RHOD: variants seen among roughly 807,000 people sequenced by gnomAD.
The protein encoded by RHOD is ras homolog family member D.
RHOD carries 11 observed loss-of-function variants against 16.7 expected under a neutral mutation model. The observed-to-expected ratio is 0.66, with a 90% CI of 0.41 to 1.09. The LOEUF is 1.09. RHOD is among the 50% of genes least tolerant of loss of function. The pLI is 0.00. For missense variants in RHOD, 271 were observed against 291.7 expected (o/e 0.93, Z 0.52); for synonymous variants, 124 against 126.3 (o/e 0.98, Z 0.12).
Position 67,056,988 on chromosome 11 carries a change from G to C in RHOD, c.86G>C (p.Gly29Ala). The C allele has an allele frequency of 6.6e-7, 1 of 1,509,470 alleles. No individual in the cohort carries two copies. Among genetic ancestry groups the C allele is most frequent in the Non-Finnish European group, 8.8e-7 (1 of 1,138,664 alleles). 93.5% of individuals were successfully genotyped at this position (1,509,470 alleles called of 1,614,324 possible). A position where few individuals can be genotyped will look rare whatever the true frequency, so the allele number is the denominator to read the frequency against. The part of the protein sequence containing the change: ...KVVLVGDGGC[G>A]KTSLLMVFAD... ...GTCCTGGTGGGCGACGGCGGCTGCG[G>C]GAAGACGTCGCTGCTGATGGTCTTC... The change falls in exon 1 of 5, where the codon GGG becomes GCG. Residue 29 changes from glycine (G) to alanine (A), a missense_variant. Gly to Ala is a moderately conservative substitution (Grantham distance 60, BLOSUM62 0). Coordinates refer to ENST00000308831, the MANE Select transcript of RHOD (RefSeq NM_014578.4).
chr11:67,067,555 A>G (rs1038627468), intron 3 of RHOD, among the ~76,000 whole-genome samples: 5 of 152,298 alleles, frequency 3.3e-5, no homozygotes, highest in South Asian at 2.1e-4. Flanking sequence ...TAAAGTGGTA[A>G]CACTGGGATT....
intron 1 of RHOD, among the ~76,000 whole-genome samples, chr11:67,060,360 G>A (rs867978352): frequency 4.0e-4 from 61 of 152,272 alleles, no homozygotes; most frequent in African/African-American, 1.4e-3. Flanking sequence ...TCTGGCTGAG[G>A]ACGGCTTAAC....
At chr11:67,068,343 G>A (rs1854985241) in intron 3 of RHOD, among the ~76,000 whole-genome samples, 1 of 152,184 alleles carries the variant, frequency 6.6e-6, no homozygotes, top group South Asian at 2.1e-4. Flanking sequence ...GCAGCTAGAG[G>A]AGAGGAAAGA....
At chr11:67,063,431 T>C (rs544624600) in intron 1 of RHOD, among the ~76,000 whole-genome samples, 2 of 150,984 alleles carry the variant, frequency 1.3e-5, no homozygotes, top group South Asian at 4.2e-4. Flanking sequence ...AGACAGAGGT[T>C]GCAGTGAGTC....
At chr11:67,060,457 A>C (rs2136245112) in intron 1 of RHOD, among the ~76,000 whole-genome samples, 1 of 152,306 alleles carries the variant, frequency 6.6e-6, no homozygotes, top group East Asian at 1.9e-4. Context: ...GTACAGACAG[A>C]GTCTCTAGGA....
At chr11:67,068,742 G>A (rs1199541461) in intron 3 of RHOD, among the ~76,000 whole-genome samples, 1 of 152,056 alleles carries the variant, frequency 6.6e-6, no homozygotes, top group African/African-American at 2.4e-5. Flanking sequence ...GGGAGGCGGA[G>A]GTTGCAGTGA....
chr11:67,066,963 C>A, intron 3 of RHOD, 116 bp downstream of exon 3: 1 of 759,202 alleles, frequency 1.3e-6, no homozygotes, highest in Non-Finnish European at 2.4e-6. Flanking sequence ...ATATTGATTC[C>A]AGAGCTTTTG....
chr11:67,067,957 G>A (rs1002822438), intron 3 of RHOD, among the ~76,000 whole-genome samples: 4 of 152,048 alleles, frequency 2.6e-5, no homozygotes, highest in African/African-American at 4.8e-5. Flanking sequence ...CCGCCACCAC[G>A]CCCGGCTAAT....
Position 67,056,853 on chromosome 11 carries a change from G to T in RHOD, c.-50G>T. ...CGCCGGGCCTGCCCCGCGCAGTCTG[G>T]GTCTCTGCGCCGCAGCCGCCCGCCC... On this transcript the variant is annotated 5_prime_UTR_variant, in exon 1 of 5. Transcript: ENST00000308831. The T allele has an allele frequency of 7.4e-7, 1 of 1,346,776 alleles. No homozygotes were observed. Among genetic ancestry groups the T allele is most frequent in the African/African-American group, 1.5e-5 (1 of 64,582 alleles). 83.4% of individuals were successfully genotyped at this position (1,346,776 alleles called of 1,614,324 possible).
Position 67,071,480 on chromosome 11 carries a change from TGCTCG to T in RHOD, c.521_525del (p.Arg174ProfsTer2), listed in dbSNP as rs779964068. On this transcript the variant is annotated frameshift_variant, in exon 5 of 5. Transcript: ENST00000308831. LOFTEE classifies it low-confidence loss of function (END_TRUNC). ...CGTGGGCGCGGTGGCCTACCTCGAG[TGCTCG>T]GCTCGGCTCCATGACAACGTCCACG... 7.5e-6 allele frequency: 12 copies of T among 1,607,194 alleles called. No homozygotes were observed. Among genetic ancestry groups the T allele is most frequent in the Non-Finnish European group, 1.0e-5 (12 of 1,177,696 alleles).
chr11:67,070,349 A>C (rs772229451), intron 3 of RHOD, 76 bp from the exon 4 acceptor site: 1 of 1,484,418 alleles, frequency 6.7e-7, no homozygotes, highest in Non-Finnish European at 9.4e-7. Flanking sequence ...GGGGAGCAAG[A>C]GAGTGGTCCA....
At chr11:67,059,673 C>A (rs1235698810) in intron 1 of RHOD, among the ~76,000 whole-genome samples, 10 of 152,122 alleles carry the variant, frequency 6.6e-5, no homozygotes, top group Non-Finnish European at 1.5e-4. Flanking sequence ...AGAGGCTTAC[C>A]TGGGGGCACA....
At position 67,071,748 on chromosome 11, in the gene RHOD, GGAGTC is replaced by G; in HGVS notation, c.*147_*151del. On this transcript the variant is annotated 3_prime_UTR_variant, in exon 5 of 5. Coordinates refer to ENST00000308831, the MANE Select transcript of RHOD (RefSeq NM_014578.4). Reference sequence around the variant, plus strand: ...CACCAAAGCCAGGCCCTGAGGCCTGGGAGTCCTGGACTGAGAAAGGGGGTTCCTGG... The same window carrying G: ...CACCAAAGCCAGGCCCTGAGGCCTGGCTGGACTGAGAAAGGGGGTTCCTGG... 6.0e-6 allele frequency: 5 copies of G among 831,254 alleles called. No homozygotes were observed. The highest frequency in any genetic ancestry group is 9.1e-6 in the Non-Finnish European group (5 of 551,562). The allele number at this position is 831,254 out of a possible 1,614,324, so 51.5% of individuals were successfully genotyped here.
At chr11:67,067,604 G>A (rs1036715709) in intron 3 of RHOD, among the ~76,000 whole-genome samples, 51 of 152,188 alleles carry the variant, frequency 3.4e-4, no homozygotes, top group Non-Finnish European at 1.5e-5. Flanking sequence ...CATTCAGAAC[G>A]AATGATTGAG....
Position 67,069,881 on chromosome 11 carries a change from C to T in RHOD, c.331-544C>T, listed in dbSNP as rs1210215597. Among the ~76,000 whole-genome samples, 3 of 150,228 alleles carry T rather than the reference C, an allele frequency of 2.0e-5. No homozygotes were observed. The East Asian group carries it at 6.0e-4, about 30-fold the overall frequency. On this transcript the variant is annotated intron_variant, in intron 3 of 4. Transcript: ENST00000308831. Reference sequence around the variant, plus strand: ...CTAAATTTTGTATTTTTACTAGAGACAGGGTTTCACTGTTGGCCAGGCTGG... The same window carrying T: ...CTAAATTTTGTATTTTTACTAGAGATAGGGTTTCACTGTTGGCCAGGCTGG...
chr11:67,071,574 T>C lies in RHOD; in HGVS notation c.605T>C (p.Ile202Thr). ...SSRGRNFWRR[I>T]TQGFCVVT Reference sequence around the variant, plus strand: ...CGCGGTCGCAACTTCTGGCGGCGGATTACCCAGGGCTTTTGCGTGGTGACC... The same window carrying C: ...CGCGGTCGCAACTTCTGGCGGCGGACTACCCAGGGCTTTTGCGTGGTGACC... Residue 202 changes from isoleucine to threonine, a missense_variant, in exon 5 of 5, where the codon ATT (isoleucine) becomes ACT (threonine). Transcript: ENST00000308831. The C allele has an allele frequency of 6.2e-7, 1 of 1,610,614 alleles. No individual in the cohort carries two copies.
chr11:67,071,617 C>T lies in RHOD; in HGVS notation c.*15C>T. 6.3e-7 allele frequency: 1 copy of T among 1,576,838 alleles called. No individual in the cohort carries two copies. The highest frequency in any genetic ancestry group is 8.6e-7 in the Non-Finnish European group (1 of 1,160,152). On this transcript the variant is annotated 3_prime_UTR_variant, in exon 5 of 5. Transcript: ENST00000308831. Reference sequence around the variant, plus strand: ...TGGTGACCTGAGCGGCTCGGGGCGTCCCAGCGACGCGGGAAGGGGCAGGGC... The same window carrying T: ...TGGTGACCTGAGCGGCTCGGGGCGTTCCAGCGACGCGGGAAGGGGCAGGGC...
Position 67,070,576 on chromosome 11 carries a change from G to C in RHOD, c.465+17G>C. 6.2e-7 allele frequency: 1 copy of C among 1,613,684 alleles called. No homozygotes were observed. The highest frequency in any genetic ancestry group is 8.5e-7 in the Non-Finnish European group (1 of 1,179,976). On this transcript the variant is annotated intron_variant, in intron 4 of 4. Transcript: ENST00000308831. ...TACCACAGGGTAGGAAACCCAGCCC[G>C]AGGTGGGAGTTGGGGAGGACTGAGT...
rs769775645 is a variant in RHOD at position 67,070,352 on chromosome 11, G to A, written c.331-73G>A. 2.0e-6 allele frequency: 3 copies of A among 1,500,370 alleles called. No individual in the cohort carries two copies. In the South Asian group the frequency reaches 3.4e-5, roughly 17 times the overall value. The allele number at this position is 1,500,370 out of a possible 1,614,324, so 92.9% of individuals were successfully genotyped here. On this transcript the variant is annotated intron_variant, in intron 3 of 4. Coordinates refer to ENST00000308831, the MANE Select transcript of RHOD (RefSeq NM_014578.4). ...AGAGCTCAGGCTGGGGAGCAAGAGAGTGGTCCACTGAGAGGGCCAGAACTC... is the reference window on the plus strand; with the variant it reads ...AGAGCTCAGGCTGGGGAGCAAGAGAATGGTCCACTGAGAGGGCCAGAACTC...
Sources: allele counts gnomAD v4.1 joint callset (sites outside exome capture counted in the v4.1 genomes callset), GRCh38; gene constraint gnomAD v4.1.1; transcripts MANE v1.5; gene names NCBI Gene and HGNC (gene_info 2026-07-23, HGNC 2026-07-21).